The following GCNT1 variants were observed in gnomAD, a reference collection of about 807,000 sequenced individuals.
The protein encoded by GCNT1 is beta-1,3-galactosyl-O-glycosyl-glycoprotein beta-1,6-N-acetylglucosaminyltransferase.
In GCNT1, 16 loss-of-function variants were observed where a neutral mutation model predicts 26.2. The observed-to-expected ratio is 0.61, with a 90% CI of 0.41 to 0.93. The LOEUF (loss-of-function observed/expected upper bound fraction) is 0.93, where lower values mean the gene tolerates loss of function less well. Ranked by LOEUF, GCNT1 falls within the 40% of genes least tolerant of loss-of-function variation. The pLI, the probability that GCNT1 is intolerant of heterozygous loss-of-function variation, is 0.00. For missense variants in GCNT1, 477 were observed against 526.7 expected, an observed-to-expected ratio of 0.91 and a Z score of 0.92; for synonymous variants, 183 against 190.8, an observed-to-expected ratio of 0.96 and a Z score of 0.34.
At chr9:76,416,264 C>T (rs1434557129), upstream of GCNT1, among the ~76,000 whole-genome samples, 1 of 152,100 alleles carries the variant, frequency 6.6e-6, no homozygotes, top group Non-Finnish European at 1.5e-5. Context: ...ATTATCTTCC[C>T]ACTCCATCCC....
At chr9:76,434,040 A>C (rs959639608) in intron 1 of GCNT1, among the ~76,000 whole-genome samples, 1 of 152,206 alleles carries the variant, frequency 6.6e-6, no homozygotes, top group Non-Finnish European at 1.5e-5. Context: ...AGAAGTTACA[A>C]CTACATGCTG....
intron 1 of GCNT1, among the ~76,000 whole-genome samples, chr9:76,421,970 T>A (rs1823202613): frequency 6.6e-6 from 1 of 152,036 alleles, no homozygotes; most frequent in Non-Finnish European, 1.5e-5. Context: ...GAGGTTTAAT[T>A]GACCCACAGT....
upstream of GCNT1, among the ~76,000 whole-genome samples, chr9:76,455,093 G>A (rs979324954): frequency 6.6e-6 from 1 of 151,964 alleles, no homozygotes. Flanking sequence ...TGATTCGCCC[G>A]CCTCAGCCTC....
chr9:76,497,460 G>T lies in GCNT1; in HGVS notation c.-289-3456G>T, dbSNP rs2131638570. Among the ~76,000 whole-genome samples, 4 of 152,228 alleles carry T rather than the reference G, an allele frequency of 2.6e-5. No individual in the cohort carries two copies. In the Middle Eastern group the frequency reaches 0.014, roughly 518 times the overall value. On this transcript the variant is annotated intron_variant, in intron 2 of 3. Transcript: ENST00000376730. The stretch of plus-strand genomic sequence containing the variant: ...TCTGTATTCACCCTGATGATAAATA[G>T]ACAAAATCAAAAGCATTTTTGACAA...
intron 2 of GCNT1, among the ~76,000 whole-genome samples, chr9:76,492,783 C>T (rs1824783209): frequency 6.6e-6 from 1 of 151,834 alleles, no homozygotes; most frequent in Non-Finnish European, 1.5e-5. Context: ...CATTTTCTGT[C>T]CTCTCTAAAC....
the GCNT1 span, among the ~76,000 whole-genome samples, chr9:76,397,277 T>G: frequency 2.6e-5 from 4 of 151,518 alleles, no homozygotes; most frequent in Admixed American, 1.3e-4. Context: ...GCAAGATTCC[T>G]TCTCAATAAA....
Position 76,503,669 on chromosome 9 carries a change from C to T in GCNT1, c.*1C>T, listed in dbSNP as rs370424129. ...AGCTTTGGAGACATTAAAACACTGA[C>T]CATTACGGGCAATTTTATGAACAAG... On this transcript the variant is annotated 3_prime_UTR_variant, in exon 4 of 4. Transcript: ENST00000376730. 3.1e-6 allele frequency: 5 copies of T among 1,604,546 alleles called. No individual in the cohort carries two copies. The highest frequency in any genetic ancestry group is 1.7e-5 in the Admixed American group (1 of 59,902).
upstream of GCNT1, among the ~76,000 whole-genome samples, chr9:76,418,827 G>C (rs1823154135): frequency 1.3e-5 from 2 of 152,298 alleles, no homozygotes; most frequent in Middle Eastern, 3.4e-3. Context: ...ACATTGTTTT[G>C]TGAAAAAATT....
chr9:76,460,339 G>A (rs758288136), intron 2 of GCNT1, among the ~76,000 whole-genome samples, 162 bp downstream of exon 2: 92 of 152,370 alleles, frequency 6.0e-4, no homozygotes, highest in Non-Finnish European at 5.6e-4. Flanking sequence ...GAAAGCCGTG[G>A]TGCCTTGAGA....
intron 2 of GCNT1, among the ~76,000 whole-genome samples, chr9:76,500,092 C>T (rs1379953737): frequency 6.6e-6 from 1 of 152,032 alleles, no homozygotes; most frequent in Non-Finnish European, 1.5e-5. Context: ...TTTTGTTCCA[C>T]CCCCCTGTAT....
chr9:76,439,223 CTTTTTTTTT>C (rs71499153), upstream of GCNT1, among the ~76,000 whole-genome samples: 27 of 120,106 alleles, frequency 2.2e-4, no homozygotes, highest in South Asian at 1.1e-3. Flanking sequence ...TTTTCTTTTT[CTTTTTTTTT>C]TTTTTTTTTT....
At chr9:76,402,289 A>G in the GCNT1 span, among the ~76,000 whole-genome samples, 1 of 152,164 alleles carries the variant, frequency 6.6e-6, no homozygotes, top group Non-Finnish European at 1.5e-5. Flanking sequence ...AACACTCTCA[A>G]CTACATCCGA....
chr9:76,500,581 C>A (rs1825037465), intron 2 of GCNT1, among the ~76,000 whole-genome samples: 1 of 152,120 alleles, frequency 6.6e-6, no homozygotes, highest in Non-Finnish European at 1.5e-5. Flanking sequence ...CATTGGGAAT[C>A]TTCACAGTGG....
intron 2 of GCNT1, among the ~76,000 whole-genome samples, chr9:76,475,911 G>GACGTCTTCACTTCTGTTTT (rs1245837293): frequency 1.3e-5 from 2 of 152,124 alleles, no homozygotes; most frequent in Admixed American, 6.6e-5. Context: ...ACTTCTGTTT[G>GACGTCTTCACTTCTGTTTT]ACTTCACACT....
At chr9:76,444,835 C>A (rs559406198) in intron 1 of GCNT1, among the ~76,000 whole-genome samples, 17 of 152,294 alleles carry the variant, frequency 1.1e-4, no homozygotes, top group African/African-American at 4.1e-4. Flanking sequence ...AACCACAGCA[C>A]CTTCTTCCCT....
At chr9:76,467,309 T>G (rs1824023018) in intron 2 of GCNT1, among the ~76,000 whole-genome samples, 1 of 152,250 alleles carries the variant, frequency 6.6e-6, no homozygotes, top group African/African-American at 2.4e-5. Flanking sequence ...CCCAAAGTGC[T>G]GGGATTACAG....
intron 1 of GCNT1, among the ~76,000 whole-genome samples, chr9:76,445,096 C>T (rs1467212278): frequency 6.6e-6 from 1 of 152,048 alleles, no homozygotes; most frequent in African/African-American, 2.4e-5. Context: ...GGAAGGCGTT[C>T]AAGAAAGGGT....
At chr9:76,477,743 A>T (rs1208428470) in intron 2 of GCNT1, among the ~76,000 whole-genome samples, 1 of 152,164 alleles carries the variant, frequency 6.6e-6, no homozygotes, top group Non-Finnish European at 1.5e-5. Flanking sequence ...AGAACTTTTC[A>T]TTATCCCAAA....
chr9:76,486,769 G>T (rs1227606449), intron 2 of GCNT1, among the ~76,000 whole-genome samples: 1 of 152,080 alleles, frequency 6.6e-6, no homozygotes, highest in Non-Finnish European at 1.5e-5. Flanking sequence ...CTCTTTTCTG[G>T]CAGTCAAAAG....
Sources: gnomAD v4.1 joint callset for allele counts (sites outside exome capture counted in the v4.1 genomes callset) on GRCh38, gnomAD v4.1.1 for gene constraint, MANE v1.5 for transcripts, NCBI Gene and HGNC (gene_info 2026-07-23, HGNC 2026-07-21) for gene names.